The following SLC16A10 variants were observed in gnomAD, a reference collection of about 807,000 sequenced individuals.
SLC16A10 encodes the protein monocarboxylate transporter 10.
Under a neutral mutation model 40.0 loss-of-function variants are expected in SLC16A10, and 27 were observed. That is an observed-to-expected ratio of 0.67 (90% CI 0.50 to 0.93). The LOEUF (loss-of-function observed/expected upper bound fraction) is 0.93, where lower values mean the gene tolerates loss of function less well. SLC16A10 is among the 40% of genes least tolerant of loss of function. The pLI is 0.00. For synonymous variants in SLC16A10, 213 were observed against 249.8 expected, an observed-to-expected ratio of 0.85 and a Z score of 1.39; for missense variants, 529 against 658.2, an observed-to-expected ratio of 0.80 and a Z score of 2.15.
intron 1 of SLC16A10, among the ~76,000 whole-genome samples, chr6:111,130,238 C>T (rs540637481): frequency 2.0e-5 from 3 of 152,274 alleles, no homozygotes; most frequent in East Asian, 1.9e-4. Context: ...GTGTTCTAAA[C>T]GAAATCCCAT....
At chr6:111,100,904 A>G (rs954056698) in intron 1 of SLC16A10, among the ~76,000 whole-genome samples, 3 of 145,848 alleles carry the variant, frequency 2.1e-5, no homozygotes, top group Non-Finnish European at 3.0e-5. Flanking sequence ...AGTATAGTCT[A>G]TCAGTATAGT....
Position 111,185,713 on chromosome 6 carries a change from A to G in SLC16A10, c.942+8048A>G, listed in dbSNP as rs372693425. ...AAATGGACATGTACAAATTTATAGCAAGATCTATCCTTTATTTGATTAACA... is the reference window on the plus strand; with the variant it reads ...AAATGGACATGTACAAATTTATAGCGAGATCTATCCTTTATTTGATTAACA... On this transcript the variant is annotated intron_variant, in intron 3 of 5. Transcript: ENST00000368851. Among the ~76,000 whole-genome samples, 19 of 152,338 alleles carry G rather than the reference A, an allele frequency of 1.2e-4. No homozygotes were observed. The East Asian group carries it at 3.3e-3, about 26-fold the overall frequency.
At chr6:111,150,887 G>A (rs923316893) in intron 1 of SLC16A10, among the ~76,000 whole-genome samples, 2 of 152,098 alleles carry the variant, frequency 1.3e-5, no homozygotes, top group Admixed American at 1.3e-4. Context: ...TGTTCTGTGG[G>A]TGCATATTTT....
At chr6:111,197,619 C>A (rs1318077390) in intron 3 of SLC16A10, among the ~76,000 whole-genome samples, 1 of 152,006 alleles carries the variant, frequency 6.6e-6, no homozygotes. Context: ...ATACCTGAGG[C>A]CGGATGATTT....
At chr6:111,095,907 ACT>A (rs1158591401) in intron 1 of SLC16A10, among the ~76,000 whole-genome samples, 1 of 152,212 alleles carries the variant, frequency 6.6e-6, no homozygotes, top group Non-Finnish European at 1.5e-5. Context: ...TCTTCATAAC[ACT>A]ATGAAAATGG....
chr6:111,216,005 A>G (rs1181363623), intron 4 of SLC16A10, among the ~76,000 whole-genome samples: 1 of 152,202 alleles, frequency 6.6e-6, no homozygotes, highest in African/African-American at 2.4e-5. Context: ...AAAAATAAAA[A>G]ATTGGGGTTT....
Position 111,121,897 on chromosome 6 carries a change from A to G in SLC16A10, c.343+33802A>G, listed in dbSNP as rs139721396. On this transcript the variant is annotated intron_variant, in intron 1 of 5. Coordinates refer to ENST00000368851, the MANE Select transcript of SLC16A10 (RefSeq NM_018593.5). ...CCAGTGGGCCAGTGGAGGCTGTTCT[A>G]GGGGTCTGGGTTTGGCTCATGAGAG... 5.7e-3 allele frequency among the ~76,000 whole-genome samples: 870 copies of G among 152,226 alleles called. 9 individuals carry two copies. Among genetic ancestry groups the G allele is most frequent in the African/African-American group, 0.02 (834 of 41,522 alleles).
intron 4 of SLC16A10, among the ~76,000 whole-genome samples, chr6:111,212,667 C>T (rs1454251993): frequency 1.3e-5 from 2 of 151,898 alleles, no homozygotes; most frequent in East Asian, 3.9e-4. Context: ...GTGGCCTACA[C>T]CTGTAGTCCC....
rs775172187 is a variant in SLC16A10, at chr6:111,093,917, G to A, written c.343+5822G>A. On this transcript the variant is annotated intron_variant, in intron 1 of 5. Transcript: ENST00000368851. ...GAATAATAGTGAGTATGGTATGGGC[G>A]TTTCATACTTCATTTCCAGAATGTT... is the stretch of plus-strand genomic sequence containing the variant. Among the ~76,000 whole-genome samples, 23 of 152,122 alleles carry A rather than the reference G, an allele frequency of 1.5e-4. 1 individual carries two copies. The highest frequency in any genetic ancestry group is 1.2e-4 in the Non-Finnish European group (8 of 68,026).
chr6:111,102,677 G>A (rs557082964), intron 1 of SLC16A10, among the ~76,000 whole-genome samples: 13 of 152,046 alleles, frequency 8.6e-5, no homozygotes, highest in African/African-American at 1.9e-4. Context: ...GTCTTAGGGC[G>A]GGGGATAGGA....
At chr6:111,221,180 C>G (rs1770886223) in intron 5 of SLC16A10, among the ~76,000 whole-genome samples, 3 of 152,068 alleles carry the variant, frequency 2.0e-5, no homozygotes, top group Non-Finnish European at 4.4e-5. Context: ...ACTAAGATAA[C>G]TTTTAAAACC....
chr6:111,175,111 G>A (rs1772655639), intron 2 of SLC16A10, among the ~76,000 whole-genome samples: 1 of 152,138 alleles, frequency 6.6e-6, no homozygotes, highest in African/African-American at 2.4e-5. Flanking sequence ...TTTTCCTCTA[G>A]CTCCAGTTCT....
chr6:111,162,735 A>G (rs1772392591), intron 1 of SLC16A10, among the ~76,000 whole-genome samples: 1 of 152,258 alleles, frequency 6.6e-6, no homozygotes, highest in Non-Finnish European at 1.5e-5. Flanking sequence ...ACTGGAGTAT[A>G]CCTTACTCAA....
At chr6:111,152,108 T>C (rs1177762013) in intron 1 of SLC16A10, among the ~76,000 whole-genome samples, 1 of 152,224 alleles carries the variant, frequency 6.6e-6, no homozygotes, top group Non-Finnish European at 1.5e-5. Context: ...TAAATGTGTA[T>C]TGCATGAATA....
intron 1 of SLC16A10, among the ~76,000 whole-genome samples, chr6:111,163,146 ATTTTTTTT>A (rs34027805): frequency 1.2e-5 from 1 of 85,310 alleles, no homozygotes; most frequent in African/African-American, 4.6e-5. Context: ...CAACATAATA[ATTTTTTTT>A]TTTTTTTTTT....
chr6:111,221,524 T>C (rs894221589), intron 5 of SLC16A10, among the ~76,000 whole-genome samples: 1 of 152,122 alleles, frequency 6.6e-6, no homozygotes, highest in African/African-American at 2.4e-5. Context: ...GGTGGGAGGA[T>C]TGCTTTAGCC....
intron 1 of SLC16A10, among the ~76,000 whole-genome samples, chr6:111,137,009 G>A (rs921395693): frequency 6.6e-6 from 1 of 152,196 alleles, no homozygotes; most frequent in Non-Finnish European, 1.5e-5. Context: ...ATTATTGGCT[G>A]CACAGAAATC....
intron 1 of SLC16A10, among the ~76,000 whole-genome samples, chr6:111,133,310 C>T (rs1380545911): frequency 3.9e-5 from 6 of 152,182 alleles, no homozygotes; most frequent in Non-Finnish European, 5.9e-5. Flanking sequence ...AGAGAACGCT[C>T]TAGGACTAAT....
intron 1 of SLC16A10, among the ~76,000 whole-genome samples, chr6:111,111,220 T>TA (rs1562400347): frequency 6.6e-6 from 1 of 152,044 alleles, no homozygotes; most frequent in Non-Finnish European, 1.5e-5. Context: ...ATATGTTTTG[T>TA]AAAAAAAATT....
Sources: allele counts gnomAD v4.1 joint callset (sites outside exome capture counted in the v4.1 genomes callset), GRCh38; gene constraint gnomAD v4.1.1; transcripts MANE v1.5; gene names NCBI Gene and HGNC (gene_info 2026-07-23, HGNC 2026-07-21).